The following RSPO1 variants were observed in gnomAD, a reference collection of about 807,000 sequenced individuals.
RSPO1 encodes the protein R-spondin 1, also known as R-spondin-1.
Under a neutral mutation model 26.0 loss-of-function variants are expected in RSPO1, and 18 were observed. The ratio of observed to expected loss-of-function variants is 0.69; its 90% confidence interval spans 0.48 to 1.03. The LOEUF (loss-of-function observed/expected upper bound fraction) is 1.03. RSPO1 is among the 50% of genes least tolerant of loss of function. The pLI is 0.00. For missense variants in RSPO1, 309 were observed against 352.3 expected (o/e 0.88, Z 0.98); for synonymous variants, 133 against 137.4 (o/e 0.97, Z 0.22).
At chr1:37,623,281 G>T (rs1207481785) in intron 3 of RSPO1, among the ~76,000 whole-genome samples, 1 of 151,908 alleles carries the variant, frequency 6.6e-6, no homozygotes, top group Non-Finnish European at 1.5e-5. Context: ...TTGAAGGAAG[G>T]GTCCAAGGAA....
chr1:37,614,425 C>T (rs1402861133), intron 4 of RSPO1, 92 bp from the exon 5 acceptor site: 3 of 1,436,534 alleles, frequency 2.1e-6, no homozygotes, highest in Admixed American at 1.8e-5. Context: ...TCTGTCCACA[C>T]CCACCTACAT....
At chr1:37,630,105 G>T (rs1644335094) in intron 2 of RSPO1, among the ~76,000 whole-genome samples, 156 bp from the exon 3 acceptor site, 1 of 152,180 alleles carries the variant, frequency 6.6e-6, no homozygotes, top group Non-Finnish European at 1.5e-5. Context: ...TCCTTTTCCT[G>T]TCTTACAGAA....
intron 3 of RSPO1, among the ~76,000 whole-genome samples, chr1:37,616,913 C>T (rs1256037140): frequency 6.6e-6 from 1 of 152,176 alleles, no homozygotes; most frequent in Admixed American, 6.5e-5. Flanking sequence ...GCTCCAGACA[C>T]GACACGAGTT....
intron 3 of RSPO1, among the ~76,000 whole-genome samples, chr1:37,622,250 G>A (rs1644213651): frequency 6.6e-6 from 1 of 152,236 alleles, no homozygotes; most frequent in Admixed American, 6.5e-5. Flanking sequence ...CCTGGTGGTG[G>A]CGACCTGGTA....
At chr1:37,627,691 AAAC>A (rs1319777615) in intron 3 of RSPO1, among the ~76,000 whole-genome samples, 1 of 143,804 alleles carries the variant, frequency 7.0e-6, no homozygotes, top group East Asian at 2.1e-4. Context: ...AAACAAAACA[AAAC>A]TATATATATA....
intron 3 of RSPO1, among the ~76,000 whole-genome samples, chr1:37,626,531 G>A (rs1046386270): frequency 1.3e-5 from 2 of 152,150 alleles, no homozygotes; most frequent in East Asian, 1.9e-4. Context: ...ACTCGCTTGC[G>A]GGCTCCTCGA....
rs1443951377 is a variant in RSPO1, at chr1:37,612,781, G to T, written c.766C>A (p.Pro256Thr). The T allele has an allele frequency of 1.2e-6, 2 of 1,611,856 alleles. No homozygotes were observed. The highest frequency in any genetic ancestry group is 8.5e-7 in the Non-Finnish European group (1 of 1,180,018). Residue 256 changes from proline to threonine, a missense_variant, in exon 7 of 7, where the codon CCA becomes ACA. Pro to Thr is a conservative substitution (Grantham distance 38). Transcript: ENST00000356545. ...QQQQQQGTVG[P>T]LTSAGPA The stretch of plus-strand genomic sequence containing the variant: ...TAGGCAGGCCCTGCAGATGTGAGTG[G>T]CCCCACTGTCCCTTGCTGCTGCTGC...
rs1353750859 is a variant in RSPO1 at position 37,621,482 on chromosome 1, G to A, written c.95-4807C>T. On this transcript the variant is annotated intron_variant, in intron 3 of 6. Coordinates refer to ENST00000356545, the MANE Select transcript of RSPO1 (RefSeq NM_001242908.2). ...GTAGACACACGTGAGATGGTCAGGC[G>A]GCAGGGTCAACAAGACAGGGTGATG... 1.3e-4 allele frequency among the ~76,000 whole-genome samples: 20 copies of A among 152,102 alleles called. 1 individual carries two copies. The highest frequency in any genetic ancestry group is 1.2e-3 in the Admixed American group (19 of 15,270).
rs1167037930 is a variant in RSPO1 at position 37,629,676 on chromosome 1, T to C, written c.-15A>G. ...CCAAGCCGCATAGTCACGCGCCAGC[T>C]CCAGGCCCCTGGTCGGAGGGGTGGT... On this transcript the variant is annotated 5_prime_UTR_variant, in exon 3 of 7. Transcript: ENST00000356545. The C allele has an allele frequency of 6.2e-7, 1 of 1,613,366 alleles. No homozygotes were observed. Among genetic ancestry groups the C allele is most frequent in the Non-Finnish European group, 8.5e-7 (1 of 1,179,860 alleles).
In RSPO1 at chr1:37,629,929, G is replaced by T; in HGVS notation, c.-268C>A. On this transcript the variant is annotated 5_prime_UTR_variant, in exon 3 of 7. In the 5' UTR this introduces an upstream ATG that the reference lacks. Transcript: ENST00000356545. ...GAGAGATCTTTTTGTCACGTCAGCA[G>T]GGACTACTCCAAAAACCAACCTGTC... 6.6e-7 allele frequency: 1 copy of T among 1,507,880 alleles called. No homozygotes were observed. The highest frequency in any genetic ancestry group is 9.0e-7 in the Non-Finnish European group (1 of 1,107,988). 93.4% of individuals were successfully genotyped at this position (1,507,880 alleles called of 1,614,324 possible).
chr1:37,629,921 C>G lies in RSPO1; in HGVS notation c.-260G>C, dbSNP rs917259500. On this transcript the variant is annotated 5_prime_UTR_variant, in exon 3 of 7. Transcript: ENST00000356545. ...TATCATATGAGAGATCTTTTTGTCA[C>G]GTCAGCAGGGACTACTCCAAAAACC... The G allele has an allele frequency of 2.0e-6, 3 of 1,528,686 alleles. No homozygotes were observed. The highest frequency in any genetic ancestry group is 2.0e-5 in the Admixed American group (1 of 50,976). 94.7% of individuals were successfully genotyped at this position (1,528,686 alleles called of 1,614,324 possible).
chr1:37,618,065 A>G (rs1023776640), intron 3 of RSPO1, among the ~76,000 whole-genome samples: 1 of 152,248 alleles, frequency 6.6e-6, no homozygotes, highest in Non-Finnish European at 1.5e-5. Flanking sequence ...AGGGAAAGGC[A>G]GAATTGCAGA....
intron 3 of RSPO1, among the ~76,000 whole-genome samples, chr1:37,618,917 A>G (rs1386381531): frequency 6.6e-6 from 1 of 152,146 alleles, no homozygotes; most frequent in Non-Finnish European, 1.5e-5. Context: ...CTTGATCAAG[A>G]AGGGCAACAA....
rs565029094 is a variant in RSPO1 at position 37,634,035 on chromosome 1, A to T, written c.-356+531T>A. 6.6e-6 allele frequency among the ~76,000 whole-genome samples: 1 copy of T among 152,020 alleles called. No homozygotes were observed. Among genetic ancestry groups the T allele is most frequent in the Non-Finnish European group, 1.5e-5 (1 of 67,982 alleles). On this transcript the variant is annotated intron_variant, in intron 1 of 6. Transcript: ENST00000356545. This position sits in a 1 kb window ranked among gnomAD's most constrained non-coding sequence, Gnocchi z 4.7. The stretch of plus-strand genomic sequence containing the variant: ...CGAACATAGCCCCCACCTCTCCCCA[A>T]CTAAGCGATACCATCGGTTCCTGAG...
intron 3 of RSPO1, among the ~76,000 whole-genome samples, chr1:37,627,830 C>A (rs981844039): frequency 2.6e-5 from 4 of 152,228 alleles, no homozygotes; most frequent in African/African-American, 9.6e-5. Context: ...CCTCCCTGCA[C>A]CCCTGAGCCT....
intron 1 of RSPO1, among the ~76,000 whole-genome samples, chr1:37,633,249 G>A (rs542068508): frequency 1.1e-4 from 17 of 152,266 alleles, no homozygotes; most frequent in Non-Finnish European, 2.1e-4. Context: ...ACCCAGGACT[G>A]GGTGTGGGGA....
chr1:37,623,842 C>T (rs1006748424), intron 3 of RSPO1, among the ~76,000 whole-genome samples: 3 of 151,406 alleles, frequency 2.0e-5, no homozygotes, highest in Admixed American at 2.0e-4. Flanking sequence ...TCACTGCAAC[C>T]TCCGCCTCCT....
intron 3 of RSPO1, among the ~76,000 whole-genome samples, chr1:37,624,388 G>A (rs1173204854): frequency 6.6e-6 from 1 of 152,130 alleles, no homozygotes; most frequent in African/African-American, 2.4e-5. Context: ...CTCAGCGAGG[G>A]CAAGGGGTGC....
At position 37,629,740 on chromosome 1, in the gene RSPO1, C is replaced by T. The variant is rs568290153; in HGVS notation, c.-79G>A. ...GATAGCACACGGCTCTTGCTAACAC[C>T]TCTGGGGCTGGGTCAGCAGCAGGAG... On this transcript the variant is annotated 5_prime_UTR_variant, in exon 3 of 7. Coordinates refer to ENST00000356545, the MANE Select transcript of RSPO1 (RefSeq NM_001242908.2). 6.5e-5 allele frequency: 103 copies of T among 1,579,120 alleles called. No homozygotes were observed. The highest frequency in any genetic ancestry group is 4.3e-4 in the African/African-American group (32 of 73,922).
Sources: allele counts gnomAD v4.1 joint callset (sites outside exome capture counted in the v4.1 genomes callset), GRCh38; gene constraint gnomAD v4.1.1; non-coding constraint Gnocchi (gnomAD v3.1); transcripts MANE v1.5; gene names NCBI Gene and HGNC (gene_info 2026-07-23, HGNC 2026-07-21).